Variants in NCAPD3 observed in about 807,000 individuals in gnomAD.
NCAPD3 encodes the protein condensin-2 complex subunit D3.
Under a neutral mutation model 182.9 loss-of-function variants are expected in NCAPD3, and 105 were observed. That is an observed-to-expected ratio of 0.57 (90% CI 0.49 to 0.68). The LOEUF is 0.68. Among genes scored for constraint, NCAPD3 ranks in the 30% least tolerant of loss-of-function variants. The pLI is 0.00. For missense variants in NCAPD3, 1,944 were observed against 1,837.0 expected (o/e 1.06, Z -1.07); for synonymous variants, 815 against 679.9 (o/e 1.20, Z -3.09).
chr11:134,202,330 T>C (rs1406085681), intron 13 of NCAPD3, among the ~76,000 whole-genome samples: 5 of 152,330 alleles, frequency 3.3e-5, no homozygotes, highest in South Asian at 2.1e-4. Context: ...CCCTAGATCA[T>C]GCAGCTATTT....
chr11:134,215,071 T>C (rs1255378850), intron 3 of NCAPD3, among the ~76,000 whole-genome samples: 2 of 152,222 alleles, frequency 1.3e-5, no homozygotes, highest in African/African-American at 4.8e-5. Flanking sequence ...TGTAATATAC[T>C]ATATTAGAAT....
chr11:134,161,364 G>A (rs930875630), intron 28 of NCAPD3, among the ~76,000 whole-genome samples: 1 of 152,190 alleles, frequency 6.6e-6, no homozygotes, highest in Non-Finnish European at 1.5e-5. Context: ...GGCAGCTCCT[G>A]CAGGGCAGTT....
In NCAPD3 at chr11:134,150,711, T is replaced by C. The variant is rs1396671550; in HGVS notation, c.*2233A>G. The C allele has an allele frequency of 6.6e-6, 1 of 152,072 alleles. No individual in the cohort carries two copies. The highest frequency in any genetic ancestry group is 1.5e-5 in the Non-Finnish European group (1 of 68,016). The allele number at this position is 152,072 out of a possible 1,614,324, so 9.4% of individuals were successfully genotyped here. ...GGCCAAAGGCAATTGCGAAATCAAG[T>C]CTGTCAAGTACAATAACATTTTTAA... On this transcript the variant is annotated 3_prime_UTR_variant, in exon 35 of 35. Transcript: ENST00000534548.
At chr11:134,168,640 G>C (rs1265137165) in intron 25 of NCAPD3, 38 bp from the exon 26 acceptor site, 4 of 1,612,556 alleles carry the variant, frequency 2.5e-6, no homozygotes, top group Admixed American at 3.3e-5. Flanking sequence ...CATCACATGG[G>C]CACGGGTGTA....
At chr11:134,199,725 A>G (rs952278384) in intron 13 of NCAPD3, among the ~76,000 whole-genome samples, 1 of 152,216 alleles carries the variant, frequency 6.6e-6, no homozygotes, top group African/African-American at 2.4e-5. Context: ...TCTCTCCCGC[A>G]TAACACGCAC....
chr11:134,174,008 A>T (rs535466323), intron 24 of NCAPD3, among the ~76,000 whole-genome samples: 1 of 152,112 alleles, frequency 6.6e-6, no homozygotes, highest in East Asian at 1.9e-4. Context: ...AACAAAACCC[A>T]GAACCTCTAA....
At chr11:134,167,755 C>T (rs1287287530) in intron 27 of NCAPD3, among the ~76,000 whole-genome samples, 1 of 119,028 alleles carries the variant, frequency 8.4e-6, no homozygotes, top group Non-Finnish European at 1.7e-5. Context: ...TTAGGGAGAG[C>T]AGCACACTCA....
intron 24 of NCAPD3, among the ~76,000 whole-genome samples, chr11:134,169,575 C>T (rs938125612): frequency 2.0e-5 from 3 of 152,192 alleles, no homozygotes; most frequent in Non-Finnish European, 2.9e-5. Context: ...GGACAAGTTC[C>T]CTCTGCAAAG....
intron 8 of NCAPD3, among the ~76,000 whole-genome samples, chr11:134,205,380 T>C (rs911791143): frequency 5.3e-5 from 8 of 151,968 alleles, no homozygotes; most frequent in African/African-American, 1.9e-4. Context: ...AATAAGAAAT[T>C]TCTTTTTTTT....
chr11:134,219,216 G>A (rs139676649), intron 2 of NCAPD3, among the ~76,000 whole-genome samples: 3 of 152,252 alleles, frequency 2.0e-5, no homozygotes, highest in East Asian at 1.9e-4. Flanking sequence ...GTGAAGATTC[G>A]CTGCTGGCCA....
chr11:134,157,134 AAAC>A (rs1205074691), intron 31 of NCAPD3, 39 bp from the exon 32 acceptor site: 2 of 1,521,422 alleles, frequency 1.3e-6, no homozygotes, highest in South Asian at 2.3e-5. Flanking sequence ...AAATACCCCC[AAAC>A]AATAACGAAG....
rs200791280 is a variant in NCAPD3 at position 134,153,069 on chromosome 11, T to G, written c.4389-17A>C. On this transcript the variant is annotated splice_polypyrimidine_tract_variant and intron_variant, in intron 34 of 34. Coordinates refer to ENST00000534548, the MANE Select transcript of NCAPD3 (RefSeq NM_015261.3). ...TGTGGGGGCCTAGGGAAAGGACATG[T>G]GCAGTCATTCTGGAACTCAGAAAAA... The G allele has an allele frequency of 2.7e-5, 43 of 1,610,618 alleles. No homozygotes were observed. In the Admixed American group the frequency reaches 6.7e-4, roughly 25 times the overall value.
At chr11:134,193,982 C>G (rs760235264) in intron 15 of NCAPD3, 34 bp downstream of exon 15, 1 of 1,576,792 alleles carries the variant, frequency 6.3e-7, no homozygotes, top group Non-Finnish European at 8.6e-7. Flanking sequence ...ATGTAAAATA[C>G]CATGCATTAC....
At chr11:134,157,229 C>T (rs1236216375) in intron 31 of NCAPD3, 134 bp from the exon 32 acceptor site, 1 of 583,126 alleles carries the variant, frequency 1.7e-6, no homozygotes, top group East Asian at 3.0e-5. Context: ...TATAAAGAGG[C>T]AATTCAGGAA....
intron 29 of NCAPD3, among the ~76,000 whole-genome samples, 195 bp downstream of exon 29, chr11:134,159,697 A>G (rs1316451315): frequency 6.6e-6 from 1 of 152,216 alleles, no homozygotes; most frequent in Non-Finnish European, 1.5e-5. Flanking sequence ...TCCTCATGGA[A>G]GGGAGGTCTG....
chr11:134,170,176 C>G (rs1359093393), intron 24 of NCAPD3, among the ~76,000 whole-genome samples: 1 of 152,162 alleles, frequency 6.6e-6, no homozygotes, highest in Admixed American at 6.5e-5. Context: ...ATAATTACAC[C>G]TTGACTATTC....
intron 24 of NCAPD3, among the ~76,000 whole-genome samples, chr11:134,174,991 A>C (rs74689730): frequency 0.01 from 1,555 of 152,316 alleles, 20 homozygotes; most frequent in African/African-American, 0.035. Flanking sequence ...GGTTTCAACA[A>C]ACCCAGGATG....
intron 28 of NCAPD3, among the ~76,000 whole-genome samples, chr11:134,161,093 A>T (rs1233586005): frequency 6.6e-6 from 1 of 152,082 alleles, no homozygotes; most frequent in Non-Finnish European, 1.5e-5. Flanking sequence ...ATTCAATGTA[A>T]TTTTTGTTGA....
chr11:134,210,582 G>T, intron 3 of NCAPD3, 128 bp from the exon 4 acceptor site: 2 of 811,030 alleles, frequency 2.5e-6, no homozygotes, highest in Non-Finnish European at 3.8e-6. Context: ...TGAACCTGTA[G>T]CAAGAGTACC....
Sources: allele counts gnomAD v4.1 joint callset (sites outside exome capture counted in the v4.1 genomes callset), GRCh38; gene constraint gnomAD v4.1.1; transcripts MANE v1.5; gene names NCBI Gene and HGNC (gene_info 2026-07-23, HGNC 2026-07-21).